Variants in RGS6 observed in about 807,000 individuals in gnomAD.
RGS6 encodes regulator of G-protein signaling 6.
In RGS6, 30 loss-of-function variants were observed where a neutral mutation model predicts 78.5. The ratio of observed to expected loss-of-function variants is 0.38; its 90% CI spans 0.29 to 0.52. The LOEUF is 0.52. RGS6 is among the 20% of genes least tolerant of loss of function. The pLI, the probability that RGS6 is intolerant of heterozygous loss-of-function variation, is 0.85. For synonymous variants in RGS6, 206 were observed against 206.0 expected, an observed-to-expected ratio of 1.00 and a Z score of 0.00; for missense variants, 495 against 609.7, an observed-to-expected ratio of 0.81 and a Z score of 1.98.
intron 2 of RGS6, among the ~76,000 whole-genome samples, chr14:72,315,628 C>A (rs891037382): frequency 6.6e-6 from 1 of 152,122 alleles, no homozygotes; most frequent in African/African-American, 2.4e-5. Context: ...TGTTATTGAA[C>A]CTACCAGTGT....
intron 3 of RGS6, among the ~76,000 whole-genome samples, chr14:72,405,786 G>A (rs2092867809): frequency 6.6e-6 from 1 of 152,164 alleles, no homozygotes; most frequent in Admixed American, 6.5e-5. Context: ...AGAATCCCTG[G>A]CAGGGGCCTT....
chr14:72,053,079 C>CCCTTCCTTCCTTCCTTCCTTCCTTCCTT (rs1226350902), intron 2 of RGS6, among the ~76,000 whole-genome samples: 26 of 17,004 alleles, frequency 1.5e-3, no homozygotes, highest in Admixed American at 1.8e-3. Flanking sequence ...CTCCCTCCCT[C>CCCTTCCTTCCTTCCTTCCTTCCTTCCTT]CCTTCCTTCC....
rs142708623 is a variant in RGS6, at chr14:72,551,223, G to T, written c.1422+11129G>T. Among the ~76,000 whole-genome samples, 775 of 152,178 alleles carry T rather than the reference G, an allele frequency of 5.1e-3. 4 individuals carry two copies. The highest frequency in any genetic ancestry group is 0.027 in the Middle Eastern group (8 of 294). On this transcript the variant is annotated intron_variant, in intron 17 of 17. Transcript: ENST00000553525. ...AGTGTGGCTTGTGTGTGTGAGCCCC[G>T]TGACCCACCCTTCAGCAGGTTCATC...
the RGS6 span, among the ~76,000 whole-genome samples, chr14:71,916,411 G>A: frequency 6.6e-6 from 1 of 150,420 alleles, no homozygotes; most frequent in Non-Finnish European, 1.5e-5. Context: ...GGAAGAAGAT[G>A]CCCTCAAGAA....
the RGS6 span, among the ~76,000 whole-genome samples, chr14:71,874,443 T>A: frequency 6.6e-6 from 1 of 152,190 alleles, no homozygotes; most frequent in East Asian, 1.9e-4. Flanking sequence ...GCTCTCTGTT[T>A]GTTTGTTGGT....
At chr14:72,155,916 G>T (rs534396176) in intron 2 of RGS6, among the ~76,000 whole-genome samples, 58 of 152,350 alleles carry the variant, frequency 3.8e-4, no homozygotes, top group African/African-American at 1.4e-3. Context: ...GAGAAAATGA[G>T]GTTCAACTGG....
chr14:71,954,030 ATGGCTTC>A (rs2092597092), intron 1 of RGS6, among the ~76,000 whole-genome samples: 1 of 115,910 alleles, frequency 8.6e-6, no homozygotes, highest in Non-Finnish European at 1.6e-5. Flanking sequence ...TCTGGCTTGC[ATGGCTTC>A]TGTAATTCTT....
At chr14:72,395,081 G>T (rs1566721329) in intron 3 of RGS6, among the ~76,000 whole-genome samples, 2 of 152,072 alleles carry the variant, frequency 1.3e-5, no homozygotes, top group East Asian at 3.8e-4. Context: ...TCAATCTGTG[G>T]TAGTAACATG....
intron 17 of RGS6, chr14:72,541,238 G>A: frequency 6.9e-6 from 10 of 1,441,446 alleles, no homozygotes; most frequent in Non-Finnish European, 8.3e-6. Context: ...CTGTGTGACT[G>A]GTATACGTAT....
intron 2 of RGS6, among the ~76,000 whole-genome samples, chr14:71,992,313 G>A (rs1388233342): frequency 3.3e-5 from 5 of 152,200 alleles, no homozygotes; most frequent in African/African-American, 4.8e-5. Flanking sequence ...GATTACAGGC[G>A]TGAGCCCACA....
intron 2 of RGS6, among the ~76,000 whole-genome samples, chr14:72,185,302 C>T (rs2097224938): frequency 1.3e-5 from 2 of 152,080 alleles, no homozygotes; most frequent in African/African-American, 2.4e-5. Flanking sequence ...CTCACAGACA[C>T]CCCCAGTGAC....
rs111540663 is a variant in RGS6, at chr14:71,975,467, C to CT, written c.84+10603dup. 9.8e-3 allele frequency among the ~76,000 whole-genome samples: 1,422 copies of CT among 145,422 alleles called. 21 individuals carry two copies. Among genetic ancestry groups the CT allele is most frequent in the African/African-American group, 0.029 (1,151 of 40,042 alleles). On this transcript the variant is annotated intron_variant, in intron 2 of 17. Transcript: ENST00000553525. ...TTTATTTGGTTGGTGCTTGGGGATT[C>CT]TTTTTTTTTTTGATGGAGGCTTGCT...
intron 17 of RGS6, chr14:72,541,560 C>G (rs1391908741): frequency 2.0e-6 from 3 of 1,535,580 alleles, no homozygotes; most frequent in Non-Finnish European, 1.7e-6. Context: ...AAGAAGCTGC[C>G]ACGGGCTGTC....
intron 2 of RGS6, among the ~76,000 whole-genome samples, chr14:71,976,077 G>A (rs1347806848): frequency 6.6e-6 from 1 of 151,396 alleles, no homozygotes; most frequent in Non-Finnish European, 1.5e-5. Context: ...TCTTTTTATA[G>A]TTTCTAGTTT....
intron 2 of RGS6, among the ~76,000 whole-genome samples, chr14:72,041,698 C>T (rs1032194418): frequency 6.6e-6 from 1 of 152,172 alleles, no homozygotes; most frequent in Admixed American, 6.5e-5. Context: ...TGCTGTTCTT[C>T]ACTTTGTATT....
chr14:71,925,672 A>G, the RGS6 span, among the ~76,000 whole-genome samples: 1 of 142,254 alleles, frequency 7.0e-6, no homozygotes, highest in Non-Finnish European at 1.5e-5. Flanking sequence ...CCTTTTCACA[A>G]TGCATTTTCT....
chr14:72,431,010 C>T (rs2094607828), intron 3 of RGS6, among the ~76,000 whole-genome samples: 2 of 152,272 alleles, frequency 1.3e-5, no homozygotes, highest in East Asian at 1.9e-4. Flanking sequence ...GGGTGAAGTT[C>T]AGAAGCCCAG....
intron 3 of RGS6, among the ~76,000 whole-genome samples, chr14:72,386,155 C>T (rs973723289): frequency 1.3e-5 from 2 of 152,190 alleles, no homozygotes; most frequent in Non-Finnish European, 2.9e-5. Context: ...AGTCCTAACA[C>T]TGACTTGGAG....
chr14:72,059,894 C>A (rs2093807219), intron 2 of RGS6, among the ~76,000 whole-genome samples: 1 of 152,284 alleles, frequency 6.6e-6, no homozygotes, highest in East Asian at 1.9e-4. Flanking sequence ...GGCTTGAGAA[C>A]TGTGTTGTTT....
Sources: gnomAD v4.1 joint callset for allele counts (sites outside exome capture counted in the v4.1 genomes callset) on GRCh38, gnomAD v4.1.1 for gene constraint, MANE v1.5 for transcripts, NCBI Gene and HGNC (gene_info 2026-07-23, HGNC 2026-07-21) for gene names.